Variants in COL7A1 observed in about 807,000 individuals in gnomAD.
The protein encoded by COL7A1 is collagen alpha-1(VII) chain.
A neutral mutation model predicts 456.2 loss-of-function variants in COL7A1; 296 were observed. The ratio of observed to expected loss-of-function variants is 0.65; its 90% confidence interval spans 0.59 to 0.71. The LOEUF (loss-of-function observed/expected upper bound fraction) is 0.71, where lower values mean the gene tolerates loss of function less well. COL7A1 is among the 30% of genes least tolerant of loss of function. The pLI, the probability that COL7A1 is intolerant of heterozygous loss-of-function variation, is 0.00. For missense variants in COL7A1, 3,441 were observed against 4,017.2 expected (o/e 0.86, Z 3.88); for synonymous variants, 1,464 against 1,525.9 (o/e 0.96, Z 0.95).
Position 48,569,240 on chromosome 3 carries a change from A to G in COL7A1, c.7686+135T>C, listed in dbSNP as rs950467414. On this transcript the variant is annotated intron_variant, in intron 103 of 118. Transcript: ENST00000681320. The surrounding 1 kb of genome is among the most constrained non-coding windows in gnomAD (Gnocchi z 4.9). ...TAGAGCCCCTCCTCTCGGCCACTCC[A>G]TAGTCAGCCACAGAACCCCTTCCCC... The G allele has an allele frequency of 9.2e-7, 1 of 1,088,656 alleles. No individual in the cohort carries two copies. Among genetic ancestry groups the G allele is most frequent in the Admixed American group, 1.7e-5 (1 of 57,416 alleles). The allele number at this position is 1,088,656 out of a possible 1,614,324, so 67.4% of individuals were successfully genotyped here.
rs2045153604 is a variant in COL7A1 at position 48,585,176 on chromosome 3, G to C, written c.3895-60C>G. On this transcript the variant is annotated intron_variant, in intron 32 of 118. Coordinates refer to ENST00000681320, the MANE Select transcript of COL7A1 (RefSeq NM_000094.4). This position sits in a 1 kb window ranked among gnomAD's most constrained non-coding sequence, Gnocchi z 4.5. Reference sequence around the variant, plus strand: ...CCTCCCCCAAGGCCCCTGGTTTGCTGGAGGGGCCTCACCCCATCAACAAGG... The same window carrying C: ...CCTCCCCCAAGGCCCCTGGTTTGCTCGAGGGGCCTCACCCCATCAACAAGG... 6.5e-7 allele frequency: 1 copy of C among 1,548,872 alleles called. No individual in the cohort carries two copies. Among genetic ancestry groups the C allele is most frequent in the African/African-American group, 1.4e-5 (1 of 73,534 alleles).
At position 48,578,590 on chromosome 3, in the gene COL7A1, C is replaced by T; in HGVS notation, c.5425-75G>A. On this transcript the variant is annotated intron_variant, in intron 63 of 118. Coordinates refer to ENST00000681320, the MANE Select transcript of COL7A1 (RefSeq NM_000094.4). The surrounding 1 kb of genome is among the most constrained non-coding windows in gnomAD (Gnocchi z 4.7). The stretch of plus-strand genomic sequence containing the variant: ...GGGCACACCCCATGGACTAAGAGGA[C>T]CCCAAAAAGATCTCCCTCCAGGGTA... 1.3e-6 allele frequency: 2 copies of T among 1,520,808 alleles called. No homozygotes were observed. The highest frequency in any genetic ancestry group is 1.8e-6 in the Non-Finnish European group (2 of 1,101,282). The allele number at this position is 1,520,808 out of a possible 1,614,324, so 94.2% of individuals were successfully genotyped here.
In COL7A1 at chr3:48,587,305, C is replaced by T. The variant is rs2107756044; in HGVS notation, c.3024G>A (p.Gly1008=). ...EVPGSPQTLP[G]ISSSQRVTGL... ...CTGTCACCCGCTGGGAGCTTGAGATCCCTGGAAGTGTCTGCGGGGACCCAG... is the reference window on the plus strand; with the variant it reads ...CTGTCACCCGCTGGGAGCTTGAGATTCCTGGAAGTGTCTGCGGGGACCCAG... The change falls in exon 24 of 119, where the codon GGG becomes GGA. Residue 1008 remains glycine (G), a synonymous_variant. Coordinates refer to ENST00000681320, the MANE Select transcript of COL7A1 (RefSeq NM_000094.4). This position sits in a 1 kb window ranked among gnomAD's most constrained non-coding sequence, Gnocchi z 6.1. The T allele has an allele frequency of 6.2e-7, 1 of 1,604,346 alleles. No individual in the cohort carries two copies. Among genetic ancestry groups the T allele is most frequent in the Non-Finnish European group, 8.5e-7 (1 of 1,175,324 alleles).
In COL7A1 at chr3:48,569,871, C is replaced by T. The variant is rs769808777; in HGVS notation, c.7521+9G>A. 36 of 1,614,038 alleles carry T rather than the reference C, an allele frequency of 2.2e-5. No homozygotes were observed. The highest frequency in any genetic ancestry group is 2.8e-5 in the Non-Finnish European group (33 of 1,180,024). On this transcript the variant is annotated intron_variant, in intron 100 of 118. Transcript: ENST00000681320. The surrounding 1 kb of genome is among the most constrained non-coding windows in gnomAD (Gnocchi z 4.9). ...CCCACTCATGCCAGGACCTTCCCCA[C>T]GTTCCTACCTTCTCCCCACGCTCTC...
chr3:48,584,448 A>C (rs2045068410), intron 36 of COL7A1, 37 bp downstream of exon 36: 1 of 1,612,784 alleles, frequency 6.2e-7, no homozygotes, highest in Non-Finnish European at 8.5e-7. Context: ...TGGTCCCCCC[A>C]CTACACATCA....
Position 48,565,432 on chromosome 3 carries a change from G to A in COL7A1, c.8505C>T (p.Arg2835=), listed in dbSNP as rs748854889. Residue 2835 remains arginine, a synonymous_variant, in exon 116 of 119, where the codon CGC becomes CGT. Transcript: ENST00000681320. This position sits in a 1 kb window ranked among gnomAD's most constrained non-coding sequence, Gnocchi z 4.5. The stretch of plus-strand genomic sequence containing the variant: ...CACCTTCCTCCTCTGCATGAGAGAC[G>A]CGGAGCACAGGCACAGCATGGAGCT... ...GSQLHAVPVL[R]VSHAEEEERV... 14 of 1,611,970 alleles carry A rather than the reference G, an allele frequency of 8.7e-6. No homozygotes were observed. The highest frequency in any genetic ancestry group is 8.0e-5 in the African/African-American group (6 of 74,888).
Position 48,584,959 on chromosome 3 carries a change from C to A in COL7A1, c.3976-14G>T, listed in dbSNP as rs755293317. 106 of 1,613,710 alleles carry A rather than the reference C, an allele frequency of 6.6e-5. 1 individual carries two copies. The highest frequency in any genetic ancestry group is 6.4e-4 in the South Asian group (58 of 91,086). ...CCCTGGAGAGCCCTGCAAATGGAGGCCAGAGGCAGAACAGTCGGAGCCACC... is the reference window on the plus strand; with the variant it reads ...CCCTGGAGAGCCCTGCAAATGGAGGACAGAGGCAGAACAGTCGGAGCCACC... On this transcript the variant is annotated splice_polypyrimidine_tract_variant and intron_variant, in intron 33 of 118. Transcript: ENST00000681320.
chr3:48,580,430 T>C lies in COL7A1; in HGVS notation c.5053-86A>G. On this transcript the variant is annotated intron_variant, in intron 55 of 118. Transcript: ENST00000681320. The surrounding 1 kb of genome is among the most constrained non-coding windows in gnomAD (Gnocchi z 4.5). ...AGCACCATGAGGACTCATGGGAATG[T>C]TGGTAGCCTTCAGATGCGTGTGTGC... The C allele has an allele frequency of 1.3e-6, 2 of 1,529,800 alleles. No individual in the cohort carries two copies. The highest frequency in any genetic ancestry group is 1.8e-6 in the Non-Finnish European group (2 of 1,116,772). 94.8% of individuals were successfully genotyped at this position (1,529,800 alleles called of 1,614,324 possible).
chr3:48,564,536 T>G lies in COL7A1; in HGVS notation c.8819-114A>C. 4 of 1,332,772 alleles carry G rather than the reference T, an allele frequency of 3.0e-6. No homozygotes were observed. Among genetic ancestry groups the G allele is most frequent in the Non-Finnish European group, 4.2e-6 (4 of 942,840 alleles). 82.6% of individuals were successfully genotyped at this position (1,332,772 alleles called of 1,614,324 possible). A position where few individuals can be genotyped will look rare whatever the true frequency, so the allele number is the denominator to read the frequency against. ...AGGCTACAACAGGAAGTGGGGGCTC[T>G]GACCTCAGAGGGGTCCATACTTAGG... On this transcript the variant is annotated intron_variant, in intron 118 of 118. Transcript: ENST00000681320. The surrounding 1 kb of genome is among the most constrained non-coding windows in gnomAD (Gnocchi z 6.0).
chr3:48,584,609 G>A, intron 35 of COL7A1, 53 bp from the exon 36 acceptor site: 2 of 1,612,738 alleles, frequency 1.2e-6, no homozygotes, highest in Non-Finnish European at 1.7e-6. Context: ...GCCTTGAGCT[G>A]GAAGAAGCCC....
Position 48,590,773 on chromosome 3 carries a change from G to C in COL7A1, c.1680C>G (p.Phe560Leu). 1 of 1,613,924 alleles carries C rather than the reference G, an allele frequency of 6.2e-7. No homozygotes were observed. Among genetic ancestry groups the C allele is most frequent in the Non-Finnish European group, 8.5e-7 (1 of 1,180,024 alleles). The change falls in exon 14 of 119, where the codon TTC becomes TTG. Residue 560 changes from phenylalanine to leucine, a missense_variant. Physicochemically the swap from Phe to Leu is conservative, Grantham distance 22. Around this residue, in one of 3 missense-constraint regions of COL7A1, gnomAD observed 913 missense variants for 1,088.2 expected, o/e 0.84. Transcript: ENST00000681320. The surrounding 1 kb of genome is among the most constrained non-coding windows in gnomAD (Gnocchi z 4.6). Reference sequence around the variant, plus strand: ...GCCCAGCCTGAACGTCATCCAAGTCGAATGCTGTCTGACTCCCAGGAAGCA... The same window carrying C: ...GCCCAGCCTGAACGTCATCCAAGTCCAATGCTGTCTGACTCCCAGGAAGCA... ...TLVLPGSQTAFDLDDVQAGLS... is the reference protein window; with the variant it reads ...TLVLPGSQTALDLDDVQAGLS...
In COL7A1 at chr3:48,565,151, C is replaced by T. The variant is rs768592959; in HGVS notation, c.8578G>A (p.Val2860Met). ...GCTTCAGGGTCCTGGTACTCCTCCA[C>T]AGAATACTCGGAGTATTCAGAGTAC... is the stretch of plus-strand genomic sequence containing the variant. Reference protein sequence around the residue: ...DEYSEYSEYSVEEYQDPEAPW... With the variant: ...DEYSEYSEYSMEEYQDPEAPW... The change falls in exon 117 of 119, where the codon GTG becomes ATG. Residue 2860 changes from valine (V) to methionine (M), a missense_variant. Coordinates refer to ENST00000681320, the MANE Select transcript of COL7A1 (RefSeq NM_000094.4). The surrounding 1 kb of genome is among the most constrained non-coding windows in gnomAD (Gnocchi z 4.5). The T allele has an allele frequency of 2.5e-6, 4 of 1,614,148 alleles. No homozygotes were observed. In the East Asian group the frequency reaches 8.9e-5, roughly 36 times the overall value.
At position 48,586,152 on chromosome 3, in the gene COL7A1, G is replaced by A. The variant is rs746268085; in HGVS notation, c.3645C>T (p.Ala1215=). ...PGMDSVQTFF[A]VDDGPSLDQA... The stretch of plus-strand genomic sequence containing the variant: ...GGTCCAGGCTTGGCCCATCATCCAC[G>A]GCGAAGAAGGTCTGGACAGAGTCCA... Residue 1215 remains alanine (A), a synonymous_variant, in exon 28 of 119, where the codon GCC becomes GCT. Transcript: ENST00000681320. The surrounding 1 kb of genome is among the most constrained non-coding windows in gnomAD (Gnocchi z 5.1). 2.5e-5 allele frequency: 40 copies of A among 1,613,176 alleles called. No homozygotes were observed. The highest frequency in any genetic ancestry group is 3.3e-5 in the Non-Finnish European group (39 of 1,180,044).
At position 48,594,548 on chromosome 3, in the gene COL7A1, A is replaced by G. The variant is rs2045939582; in HGVS notation, c.86T>C (p.Val29Ala). Residue 29 changes from valine to alanine, a missense_variant and splice_region_variant, in exon 3 of 119, where the codon GTG becomes GCG. Val to Ala is a moderately conservative substitution (Grantham distance 64). Transcript: ENST00000681320. This position sits in a 1 kb window ranked among gnomAD's most constrained non-coding sequence, Gnocchi z 5.5. ...AGCGGCGTAAAGGCGCGTGCAGGTC[A>G]CTGGGGCGGGCAGGAGAGATCAGGG... ...PRVRAQHRERVTCTRLYAADI... is the reference protein window; with the variant it reads ...PRVRAQHRERATCTRLYAADI... The G allele has an allele frequency of 1.3e-6, 2 of 1,588,132 alleles. No homozygotes were observed. Among genetic ancestry groups the G allele is most frequent in the Non-Finnish European group, 1.7e-6 (2 of 1,169,474 alleles).
chr3:48,583,259 T>G lies in COL7A1; in HGVS notation c.4438-88A>C. On this transcript the variant is annotated intron_variant, in intron 42 of 118. Coordinates refer to ENST00000681320, the MANE Select transcript of COL7A1 (RefSeq NM_000094.4). The surrounding 1 kb of genome is among the most constrained non-coding windows in gnomAD (Gnocchi z 5.1). ...AAACCCCAGACAAGGGGTCCCAAAC[T>G]CCAACCACCCCCTCCAAAACCACGA... 6.2e-7 allele frequency: 1 copy of G among 1,602,286 alleles called. No homozygotes were observed. Among genetic ancestry groups the G allele is most frequent in the South Asian group, 1.1e-5 (1 of 90,218 alleles).
chr3:48,578,454 G>A lies in COL7A1; in HGVS notation c.5486C>T (p.Pro1829Leu), dbSNP rs763297858. The A allele has an allele frequency of 1.5e-5, 24 of 1,613,086 alleles. No individual in the cohort carries two copies. The highest frequency in any genetic ancestry group is 5.3e-5 in the African/African-American group (4 of 74,912). Reference sequence around the variant, plus strand: ...GGTAACATGAAAGTCTGGTCTCACCGGTAATCCAGGGGGACCAGAGGGGCC... The same window carrying A: ...GGTAACATGAAAGTCTGGTCTCACCAGTAATCCAGGGGGACCAGAGGGGCC... ...LPGPSGPPGL[P>L]GKPGEDGKPG... The change falls in exon 64 of 119, where the codon CCG becomes CTG. Residue 1829 changes from proline (P) to leucine (L), a missense_variant and splice_region_variant. By Grantham distance (98) the Pro-to-Leu change is moderately conservative. This residue lies in a region of COL7A1 where 2,084 missense variants were observed against 2,501.3 expected (regional missense o/e 0.83). Transcript: ENST00000681320. This position sits in a 1 kb window ranked among gnomAD's most constrained non-coding sequence, Gnocchi z 4.7.
rs775223715 is a variant in COL7A1 at position 48,573,365 on chromosome 3, G to T, written c.6619-17C>A. On this transcript the variant is annotated splice_polypyrimidine_tract_variant and intron_variant, in intron 83 of 118. Coordinates refer to ENST00000681320, the MANE Select transcript of COL7A1 (RefSeq NM_000094.4). The surrounding 1 kb of genome is among the most constrained non-coding windows in gnomAD (Gnocchi z 5.5). ...AGGCTCCCCCTGCAAACAACCCAGA[G>T]ACTGCATGAGCAGAGCCCACGTGGC... 7.4e-6 allele frequency: 12 copies of T among 1,614,024 alleles called. No homozygotes were observed. Among genetic ancestry groups the T allele is most frequent in the Non-Finnish European group, 5.1e-6 (6 of 1,179,998 alleles).
chr3:48,576,509 C>T lies in COL7A1; in HGVS notation c.5736+13G>A. ...CCCCCTCACCACGCCCCCTACCCAA[C>T]ATCCGCACTCACCTTGGGGCCCGTG... On this transcript the variant is annotated intron_variant, in intron 69 of 118. Coordinates refer to ENST00000681320, the MANE Select transcript of COL7A1 (RefSeq NM_000094.4). 4 of 1,612,210 alleles carry T rather than the reference C, an allele frequency of 2.5e-6. No individual in the cohort carries two copies. Among genetic ancestry groups the T allele is most frequent in the Non-Finnish European group, 3.4e-6 (4 of 1,179,402 alleles).
At position 48,569,797 on chromosome 3, in the gene COL7A1, G is replaced by T. The variant is rs1477534748; in HGVS notation, c.7522-37C>A. The T allele has an allele frequency of 6.2e-7, 1 of 1,614,070 alleles. No individual in the cohort carries two copies. Among genetic ancestry groups the T allele is most frequent in the Non-Finnish European group, 8.5e-7 (1 of 1,179,986 alleles). ...AAGAGTGTGAGTCCCGCCCAAACTGGGGAGGCCCCGCACCTGAATTCTAAT... is the reference window on the plus strand; with the variant it reads ...AAGAGTGTGAGTCCCGCCCAAACTGTGGAGGCCCCGCACCTGAATTCTAAT... On this transcript the variant is annotated intron_variant, in intron 100 of 118. Coordinates refer to ENST00000681320, the MANE Select transcript of COL7A1 (RefSeq NM_000094.4). This position sits in a 1 kb window ranked among gnomAD's most constrained non-coding sequence, Gnocchi z 4.9.
Sources: gnomAD v4.1 joint callset for allele counts on GRCh38, gnomAD v4.1.1 for gene constraint, gnomAD v4.1.1 regional missense constraint, Gnocchi (gnomAD v3.1) non-coding constraint, MANE v1.5 for transcripts, NCBI Gene and HGNC (gene_info 2026-07-23, HGNC 2026-07-21) for gene names.